TNFSF4: variants seen among roughly 807,000 people sequenced by gnomAD.
The protein encoded by TNFSF4 is TNF superfamily member 4.
TNFSF4 carries 4 observed loss-of-function variants against 7.3 expected under a neutral mutation model. That is an observed-to-expected ratio of 0.55 (90% CI 0.27 to 1.25). The LOEUF (loss-of-function observed/expected upper bound fraction) is 1.25, where lower values mean the gene tolerates loss of function less well. TNFSF4 is among the 50% of genes most tolerant of loss of function. TNFSF4 has a pLI of 0.12. For missense variants in TNFSF4, 181 were observed against 208.8 expected (o/e 0.87, Z 0.82); for synonymous variants, 76 against 83.7 (o/e 0.91, Z 0.50).
chr1:173,358,751 A>G, the TNFSF4 span, among the ~76,000 whole-genome samples: 1 of 152,252 alleles, frequency 6.6e-6, no homozygotes, highest in Non-Finnish European at 1.5e-5. Context: ...ACTCATATCT[A>G]ATAATATAGA....
the TNFSF4 span, among the ~76,000 whole-genome samples, chr1:173,226,113 T>C: frequency 6.6e-6 from 1 of 152,246 alleles, no homozygotes; most frequent in Non-Finnish European, 1.5e-5. Flanking sequence ...GACCTAATTA[T>C]ATGTACATCA....
the TNFSF4 span, among the ~76,000 whole-genome samples, chr1:173,419,343 GA>G: frequency 0.076 from 8,798 of 115,720 alleles, 319 homozygotes; most frequent in Non-Finnish European, 0.095. Context: ...CTCCGTCTCA[GA>G]AAAAAAAAAA....
intron 1 of TNFSF4, among the ~76,000 whole-genome samples, chr1:173,199,590 C>A (rs1012296915): frequency 6.6e-6 from 1 of 152,274 alleles, no homozygotes; most frequent in Admixed American, 6.5e-5. Flanking sequence ...TTCTCTAGAG[C>A]CTTCAGAGGA....
Position 173,207,021 on chromosome 1 carries a change from T to C in TNFSF4, c.153+3A>G. 6.2e-7 allele frequency: 1 copy of C among 1,608,780 alleles called. No individual in the cohort carries two copies. Among genetic ancestry groups the C allele is most frequent in the Non-Finnish European group, 8.5e-7 (1 of 1,176,700 alleles). ...GAAAACAGCGCCCAGTGGTGCATCT[T>C]ACCTGAAGAGCAGAGAAGTGCAGGC... On this transcript the variant is annotated splice_donor_region_variant and intron_variant, in intron 1 of 2. Coordinates refer to ENST00000281834, the MANE Select transcript of TNFSF4 (RefSeq NM_003326.5).
the TNFSF4 span, among the ~76,000 whole-genome samples, chr1:173,287,322 A>C: frequency 2.6e-5 from 4 of 152,300 alleles, no homozygotes; most frequent in East Asian, 7.7e-4. Context: ...ATTGCAAAGC[A>C]AGACCCTGAC....
the TNFSF4 span, among the ~76,000 whole-genome samples, chr1:173,345,205 C>A: frequency 8.0e-3 from 1,221 of 152,240 alleles, 23 homozygotes; most frequent in African/African-American, 0.025. Context: ...TGCTGTTTCA[C>A]AAGGAATAGG....
chr1:173,377,868 C>T, the TNFSF4 span, among the ~76,000 whole-genome samples: 1 of 152,212 alleles, frequency 6.6e-6, no homozygotes, highest in Admixed American at 6.5e-5. Context: ...CTTCACTCTT[C>T]CAACTCTGAA....
At chr1:173,273,792 A>G in the TNFSF4 span, among the ~76,000 whole-genome samples, 23 of 152,094 alleles carry the variant, frequency 1.5e-4, no homozygotes, top group Non-Finnish European at 2.8e-4. Context: ...AGCATTTTGA[A>G]TTTTTGGATG....
the TNFSF4 span, among the ~76,000 whole-genome samples, chr1:173,415,085 C>A: frequency 2.0e-5 from 3 of 152,184 alleles, no homozygotes; most frequent in Admixed American, 6.5e-5. Flanking sequence ...GGCTGTAAAT[C>A]CCCCCTTATC....
the TNFSF4 span, among the ~76,000 whole-genome samples, chr1:173,281,031 T>A: frequency 6.6e-6 from 1 of 152,198 alleles, no homozygotes; most frequent in African/African-American, 2.4e-5. Context: ...AGTCAAGAGA[T>A]AAAATCAGTG....
the TNFSF4 span, among the ~76,000 whole-genome samples, chr1:173,248,005 T>C: frequency 6.6e-6 from 1 of 152,152 alleles, no homozygotes; most frequent in East Asian, 1.9e-4. Flanking sequence ...GAAATGAATA[T>C]TTAAGCTGAT....
At chr1:173,189,938 G>A (rs1294509422) in intron 1 of TNFSF4, among the ~76,000 whole-genome samples, 3 of 151,988 alleles carry the variant, frequency 2.0e-5, no homozygotes, top group Non-Finnish European at 4.4e-5. Context: ...TGCTGGGCAC[G>A]GTGGCTCATG....
the TNFSF4 span, among the ~76,000 whole-genome samples, chr1:173,324,372 A>G: frequency 0.18 from 26,943 of 152,164 alleles, 3,118 homozygotes; most frequent in Non-Finnish European, 0.25. Context: ...AGCACTAAAC[A>G]TGGAAAGGAA....
upstream of TNFSF4, among the ~76,000 whole-genome samples, chr1:173,209,882 G>A (rs1351183320): frequency 1.3e-5 from 2 of 151,896 alleles, no homozygotes; most frequent in East Asian, 1.9e-4. Flanking sequence ...AAAGCCACAG[G>A]ATGTAAAATA....
chr1:173,447,212 G>T, the TNFSF4 span, among the ~76,000 whole-genome samples: 1 of 152,172 alleles, frequency 6.6e-6, no homozygotes, highest in African/African-American at 2.4e-5. Flanking sequence ...AAAAAAGTCA[G>T]TGATTGCCAG....
chr1:173,426,160 G>A, the TNFSF4 span, among the ~76,000 whole-genome samples: 7 of 152,276 alleles, frequency 4.6e-5, no homozygotes, highest in South Asian at 6.2e-4. Context: ...TCCTTCCTGC[G>A]AGTCAGTCTT....
At chr1:173,439,040 G>A in the TNFSF4 span, among the ~76,000 whole-genome samples, 6 of 152,308 alleles carry the variant, frequency 3.9e-5, no homozygotes, top group Middle Eastern at 3.4e-3. Flanking sequence ...GACAAGCTAC[G>A]TGCAGAGAGA....
chr1:173,241,136 T>C, the TNFSF4 span, among the ~76,000 whole-genome samples: 2 of 152,198 alleles, frequency 1.3e-5, no homozygotes, highest in Non-Finnish European at 2.9e-5. Flanking sequence ...GAAAAAACTT[T>C]GTTGGGAAAG....
At chr1:173,276,095 T>A in the TNFSF4 span, among the ~76,000 whole-genome samples, 2 of 152,008 alleles carry the variant, frequency 1.3e-5, no homozygotes, top group African/African-American at 2.4e-5. Flanking sequence ...AAAAAGAATA[T>A]CAATATCGAC....
Sources: allele counts gnomAD v4.1 joint callset (sites outside exome capture counted in the v4.1 genomes callset), GRCh38; gene constraint gnomAD v4.1.1; transcripts MANE v1.5; gene names NCBI Gene and HGNC (gene_info 2026-07-23, HGNC 2026-07-21).